Variants in GPC5 observed in about 807,000 individuals in gnomAD.
GPC5 encodes the protein glypican 5.
In GPC5, 47 loss-of-function variants were observed where a neutral mutation model predicts 53.9. That is an observed-to-expected ratio of 0.87 (90% CI 0.69 to 1.11). The LOEUF is 1.11. Among genes scored for constraint, GPC5 ranks in the 50% most tolerant of loss-of-function variants. The pLI, the probability that GPC5 is intolerant of heterozygous loss-of-function variation, is 0.00. For missense variants in GPC5, 748 were observed against 713.1 expected (o/e 1.05, Z -0.56); for synonymous variants, 286 against 263.3 (o/e 1.09, Z -0.84).
intron 6 of GPC5, among the ~76,000 whole-genome samples, chr13:92,056,321 T>G (rs1048535011): frequency 8.5e-5 from 13 of 152,152 alleles, no homozygotes; most frequent in African/African-American, 3.1e-4. Context: ...TATTAAGACC[T>G]CCGGGATTAC....
chr13:91,704,204 T>C (rs1176924329), intron 3 of GPC5, among the ~76,000 whole-genome samples: 1 of 152,200 alleles, frequency 6.6e-6, no homozygotes, highest in Non-Finnish European at 1.5e-5. Flanking sequence ...TTGCAATTCT[T>C]ATGCAACATT....
intron 7 of GPC5, among the ~76,000 whole-genome samples, chr13:92,815,943 A>G (rs1877458013): frequency 6.6e-6 from 1 of 151,994 alleles, no homozygotes; most frequent in Non-Finnish European, 1.5e-5. Flanking sequence ...TGAGATAACT[A>G]TTAAACATCC....
At chr13:92,012,795 T>C (rs895563334) in intron 6 of GPC5, among the ~76,000 whole-genome samples, 3 of 152,250 alleles carry the variant, frequency 2.0e-5, no homozygotes, top group Admixed American at 2.0e-4. Flanking sequence ...TAAGAATTAC[T>C]GATGCTGGAT....
intron 6 of GPC5, among the ~76,000 whole-genome samples, chr13:92,106,847 G>T (rs1273621153): frequency 6.6e-6 from 1 of 151,984 alleles, no homozygotes; most frequent in East Asian, 1.9e-4. Flanking sequence ...TTGAATGCCT[G>T]CATAAAAATT....
intron 5 of GPC5, among the ~76,000 whole-genome samples, chr13:91,887,566 C>T (rs918724956): frequency 6.6e-6 from 1 of 152,056 alleles, no homozygotes; most frequent in Non-Finnish European, 1.5e-5. Context: ...TTTTCCAAAC[C>T]TTTATGCTCT....
At chr13:92,204,441 T>C (rs1329907450) in intron 7 of GPC5, among the ~76,000 whole-genome samples, 2 of 152,162 alleles carry the variant, frequency 1.3e-5, no homozygotes, top group African/African-American at 4.8e-5. Flanking sequence ...AACTCCAAAG[T>C]TTGATGGTAC....
At position 91,424,829 on chromosome 13, in the gene GPC5, G is replaced by C. The variant is rs556181773; in HGVS notation, c.164-23932G>C. 9.8e-5 allele frequency among the ~76,000 whole-genome samples: 15 copies of C among 152,336 alleles called. No individual in the cohort carries two copies. In the South Asian group the frequency reaches 1.5e-3, roughly 15 times the overall value. On this transcript the variant is annotated intron_variant, in intron 1 of 7. Transcript: ENST00000377067. ...ATTGACCCCATTGCTGGAACTGAAA[G>C]AGAGAGCAGGAACATAATCTACTTG...
chr13:92,083,587 C>T (rs75922199), intron 6 of GPC5, among the ~76,000 whole-genome samples: 5,634 of 152,040 alleles, frequency 0.037, 144 homozygotes, highest in Middle Eastern at 0.054. Context: ...AAAAAAGATC[C>T]GTACATTATA....
At chr13:92,741,807 A>C (rs1288691301) in intron 7 of GPC5, among the ~76,000 whole-genome samples, 3 of 151,918 alleles carry the variant, frequency 2.0e-5, no homozygotes. Flanking sequence ...TCATTGTTCA[A>C]TTCCCGCCTA....
chr13:92,375,842 C>T (rs948131874), intron 7 of GPC5, among the ~76,000 whole-genome samples: 52 of 152,160 alleles, frequency 3.4e-4, no homozygotes, highest in Non-Finnish European at 6.3e-4. Flanking sequence ...TTAATCACAT[C>T]TGCAAAATAC....
At chr13:91,461,842 C>G (rs1881946466) in intron 2 of GPC5, among the ~76,000 whole-genome samples, 2 of 152,014 alleles carry the variant, frequency 1.3e-5, no homozygotes, top group South Asian at 4.1e-4. Context: ...CTCCTAGATC[C>G]CTTCTTGGAT....
intron 7 of GPC5, among the ~76,000 whole-genome samples, chr13:92,802,697 G>A (rs915944216): frequency 1.3e-5 from 2 of 151,614 alleles, no homozygotes; most frequent in Non-Finnish European, 2.9e-5. Flanking sequence ...CTATCGCAAG[G>A]ACAAAAAAAC....
At chr13:92,789,238 C>T (rs976829007) in intron 7 of GPC5, among the ~76,000 whole-genome samples, 1 of 151,966 alleles carries the variant, frequency 6.6e-6, no homozygotes, top group South Asian at 2.1e-4. Context: ...CTCATGAGGC[C>T]CTTGTTAGGG....
chr13:92,388,490 C>T (rs1370034392), intron 7 of GPC5, among the ~76,000 whole-genome samples: 1 of 152,086 alleles, frequency 6.6e-6, no homozygotes, highest in African/African-American at 2.4e-5. Context: ...AGGGTTGCTC[C>T]ATTTTGGAAA....
rs551811481 is a variant in GPC5 at position 92,764,320 on chromosome 13, C to G, written c.1562-101962C>G. Among the ~76,000 whole-genome samples, 72 of 152,310 alleles carry G rather than the reference C, an allele frequency of 4.7e-4. 1 individual carries two copies. The highest frequency in any genetic ancestry group is 3.4e-3 in the Admixed American group (52 of 15,304). ...AGACCTCAGGGATTGACAGATGCTA[C>G]GACTACTTGCCCTCAGAGCAAGATG... On this transcript the variant is annotated intron_variant, in intron 7 of 7. Transcript: ENST00000377067.
chr13:91,531,242 A>G (rs893584611), intron 2 of GPC5, among the ~76,000 whole-genome samples: 1 of 152,218 alleles, frequency 6.6e-6, no homozygotes, highest in Non-Finnish European at 1.5e-5. Context: ...TTGCACAGAA[A>G]TGATTTACAG....
rs1566403212 is a variant in GPC5 at position 92,031,752 on chromosome 13, T to TATATTACATATTATATAATATATAA, written c.1402-113078_1402-113077insATATTACATATTATATAATATATAA. Among the ~76,000 whole-genome samples the TATATTACATATTATATAATATATAA allele has an allele frequency of 6.9e-5, 3 of 43,758 alleles. 1 individual carries two copies. Among genetic ancestry groups the TATATTACATATTATATAATATATAA allele is most frequent in the Non-Finnish European group, 1.2e-4 (3 of 26,016 alleles). 28.7% of individuals were successfully genotyped at this position (43,758 alleles called of 152,430 possible). ...TATTACATATTATATATAATATATA[T>TATATTACATATTATATAATATATAA]TATATTACATATTATATATAATATA... On this transcript the variant is annotated intron_variant, in intron 6 of 7. Transcript: ENST00000377067.
chr13:92,148,835 G>C (rs1361180849), intron 7 of GPC5, among the ~76,000 whole-genome samples: 1 of 151,978 alleles, frequency 6.6e-6, no homozygotes, highest in Non-Finnish European at 1.5e-5. Flanking sequence ...TGAAATATCT[G>C]ACTATACTTC....
chr13:91,713,323 C>G (rs1421440878), intron 3 of GPC5, among the ~76,000 whole-genome samples: 1 of 151,450 alleles, frequency 6.6e-6, no homozygotes, highest in African/African-American at 2.4e-5. Context: ...AAGTGCCCCC[C>G]ACCCCCCTTT....
Sources: allele counts gnomAD v4.1 joint callset (sites outside exome capture counted in the v4.1 genomes callset), GRCh38; gene constraint gnomAD v4.1.1; transcripts MANE v1.5; gene names NCBI Gene and HGNC (gene_info 2026-07-23, HGNC 2026-07-21).